Variants in SLC4A10 observed in about 807,000 individuals in gnomAD.
SLC4A10 encodes the protein sodium-driven chloride bicarbonate exchanger.
SLC4A10 carries 42 observed loss-of-function variants against 137.7 expected under a neutral mutation model. The ratio of observed to expected loss-of-function variants is 0.30; its 90% CI spans 0.24 to 0.39. The LOEUF (loss-of-function observed/expected upper bound fraction) is 0.39, where lower values mean the gene tolerates loss of function less well. SLC4A10 is among the 10% of genes least tolerant of loss of function. The pLI is 1.00. For missense variants in SLC4A10, 925 were observed against 1,355.0 expected, an observed-to-expected ratio of 0.68 and a Z score of 4.98; for synonymous variants, 474 against 464.1, an observed-to-expected ratio of 1.02 and a Z score of -0.27.
At chr2:161,720,598 C>A (rs926271441) in intron 1 of SLC4A10, among the ~76,000 whole-genome samples, 2 of 152,080 alleles carry the variant, frequency 1.3e-5, no homozygotes, top group African/African-American at 4.8e-5. Flanking sequence ...ACAGTTAGCT[C>A]CTCTTGTTGA....
intron 9 of SLC4A10, among the ~76,000 whole-genome samples, chr2:161,881,799 T>G (rs1416947937): frequency 6.6e-6 from 1 of 152,042 alleles, no homozygotes; most frequent in Non-Finnish European, 1.5e-5. Flanking sequence ...TTTTTATTCC[T>G]CAGCATTATA....
chr2:161,853,417 C>T (rs1469144870), intron 4 of SLC4A10, among the ~76,000 whole-genome samples: 1 of 152,180 alleles, frequency 6.6e-6, no homozygotes, highest in Non-Finnish European at 1.5e-5. Context: ...CAATTAAATA[C>T]TCCAGTCTGA....
At chr2:161,660,585 T>TTTCTTTC (rs1307122541) in intron 1 of SLC4A10, among the ~76,000 whole-genome samples, 138 of 132,252 alleles carry the variant, frequency 1.0e-3, no homozygotes, top group Non-Finnish European at 1.6e-3. Flanking sequence ...TCTTTCTTTC[T>TTTCTTTC]TTCTTTCTTT....
At chr2:161,791,165 G>A (rs1181651060) in intron 2 of SLC4A10, among the ~76,000 whole-genome samples, 3 of 152,024 alleles carry the variant, frequency 2.0e-5, no homozygotes, top group South Asian at 2.1e-4. Context: ...ATACATGCAC[G>A]CACGTGTTCA....
chr2:161,669,198 G>A (rs987483427), intron 1 of SLC4A10, among the ~76,000 whole-genome samples: 4 of 151,714 alleles, frequency 2.6e-5, no homozygotes, highest in East Asian at 1.9e-4. Flanking sequence ...TTATTTTTAC[G>A]AAGAAACAGC....
chr2:161,914,037 A>G (rs1453099606), intron 15 of SLC4A10, among the ~76,000 whole-genome samples: 1 of 152,154 alleles, frequency 6.6e-6, no homozygotes, highest in Non-Finnish European at 1.5e-5. Context: ...AGACATTGCT[A>G]ATGGAAGTGG....
chr2:161,967,009 T>C (rs1697725068), intron 23 of SLC4A10, among the ~76,000 whole-genome samples: 1 of 152,234 alleles, frequency 6.6e-6, no homozygotes, highest in Non-Finnish European at 1.5e-5. Context: ...AGCTCTTGGC[T>C]GTGAGCTTGC....
chr2:161,866,041 T>C (rs1412659904), intron 6 of SLC4A10, among the ~76,000 whole-genome samples: 1 of 151,988 alleles, frequency 6.6e-6, no homozygotes, highest in Non-Finnish European at 1.5e-5. Context: ...ACAGAACACA[T>C]TTTCCTCCCT....
intron 21 of SLC4A10, among the ~76,000 whole-genome samples, chr2:161,960,141 G>A (rs147000272): frequency 1.6e-4 from 24 of 151,930 alleles, no homozygotes; most frequent in Middle Eastern, 3.4e-3. Flanking sequence ...CGAGGTGGGC[G>A]GATCATGAGG....
At chr2:161,874,620 T>C (rs1269469292) in intron 8 of SLC4A10, among the ~76,000 whole-genome samples, 2 of 152,232 alleles carry the variant, frequency 1.3e-5, no homozygotes, top group Non-Finnish European at 2.9e-5. Context: ...GTTTCATCTT[T>C]TAATAGGCAA....
At chr2:161,906,913 A>G (rs80349950) in intron 15 of SLC4A10, among the ~76,000 whole-genome samples, 10,159 of 151,834 alleles carry the variant, frequency 0.067, 442 homozygotes, top group East Asian at 0.13. Flanking sequence ...AAAATTAGCC[A>G]GGCGTGGTGG....
At chr2:161,820,921 A>T (rs562608431) in intron 3 of SLC4A10, among the ~76,000 whole-genome samples, 11 of 152,290 alleles carry the variant, frequency 7.2e-5, no homozygotes, top group South Asian at 2.1e-4. Flanking sequence ...GTGAGAACTT[A>T]TGTTTTTTTG....
intron 1 of SLC4A10, among the ~76,000 whole-genome samples, chr2:161,648,959 G>A (rs938407132): frequency 6.6e-6 from 1 of 152,016 alleles, no homozygotes; most frequent in African/African-American, 2.4e-5. Flanking sequence ...GAGATCCCTA[G>A]TTGCATCAAA....
In SLC4A10 at chr2:161,793,479, C is replaced by T. The variant is rs528247548; in HGVS notation, c.131-10970C>T. Among the ~76,000 whole-genome samples the T allele has an allele frequency of 2.7e-5, 4 of 150,358 alleles. No homozygotes were observed. In the South Asian group the frequency reaches 8.5e-4, roughly 32 times the overall value. ...AGCCCCTAGTAGCCATCATTCTACT[C>T]TCTAGTTCTATGTGTTTGCCTCCTC... On this transcript the variant is annotated intron_variant, in intron 2 of 26. Transcript: ENST00000446997.
At chr2:161,644,976 C>T (rs544650377) in intron 1 of SLC4A10, among the ~76,000 whole-genome samples, 1 of 152,188 alleles carries the variant, frequency 6.6e-6, no homozygotes, top group Admixed American at 6.5e-5. Flanking sequence ...CCATCTAATG[C>T]TTTATACAAT....
intron 10 of SLC4A10, among the ~76,000 whole-genome samples, chr2:161,885,384 C>G (rs2062179135): frequency 1.3e-5 from 2 of 152,082 alleles, no homozygotes. Context: ...CCTGATTCTT[C>G]CAAGTGCTCA....
intron 1 of SLC4A10, among the ~76,000 whole-genome samples, chr2:161,716,244 A>G (rs1286680289): frequency 6.6e-6 from 1 of 151,094 alleles, no homozygotes; most frequent in African/African-American, 2.4e-5. Flanking sequence ...CCTGTGCCAG[A>G]TGGATGGATT....
chr2:161,896,310 A>G (rs1353943950), intron 11 of SLC4A10, among the ~76,000 whole-genome samples: 1 of 151,884 alleles, frequency 6.6e-6, no homozygotes, highest in African/African-American at 2.4e-5. Flanking sequence ...TGTTTTGGTT[A>G]CTGTAGCCTT....
chr2:161,770,915 T>G, intron 1 of SLC4A10, 58 bp from the exon 2 acceptor site: 1 of 1,290,866 alleles, frequency 7.7e-7, no homozygotes, highest in South Asian at 1.3e-5. Context: ...AGGTTTGTTT[T>G]TTGAAATTGA....
Sources: allele counts gnomAD v4.1 joint callset (sites outside exome capture counted in the v4.1 genomes callset), GRCh38; gene constraint gnomAD v4.1.1; transcripts MANE v1.5; gene names NCBI Gene and HGNC (gene_info 2026-07-23, HGNC 2026-07-21).